Variants in COX7B2 observed in about 807,000 individuals in gnomAD.
COX7B2 encodes the protein cytochrome c oxidase subunit 7B2.
For missense variants in COX7B2, 109 were observed against 95.9 expected (o/e 1.14, Z -0.57); for synonymous variants, 37 against 32.1 (o/e 1.15, Z -0.51).
chr4:46,861,240 G>C (rs1327230070), intron 1 of COX7B2, among the ~76,000 whole-genome samples: 30 of 152,090 alleles, frequency 2.0e-4, no homozygotes, highest in Admixed American at 2.0e-3. Flanking sequence ...GTTTGCTGGT[G>C]AATGCAGTTA....
At chr4:46,757,222 A>G (rs1335997162) in intron 2 of COX7B2, among the ~76,000 whole-genome samples, 1 of 145,098 alleles carries the variant, frequency 6.9e-6, no homozygotes, top group Non-Finnish European at 1.5e-5. Context: ...AAAATCAAAT[A>G]TTATATGTTC....
intron 2 of COX7B2, among the ~76,000 whole-genome samples, chr4:46,800,544 T>C (rs1718603317): frequency 6.6e-6 from 1 of 152,178 alleles, no homozygotes; most frequent in African/African-American, 2.4e-5. Flanking sequence ...GATTACTGGC[T>C]AGCCATATGC....
intron 2 of COX7B2, among the ~76,000 whole-genome samples, chr4:46,844,014 A>G (rs936373016): frequency 6.6e-5 from 10 of 152,014 alleles, no homozygotes. Flanking sequence ...TTATATCACC[A>G]GAGAGGAGTT....
intron 2 of COX7B2, among the ~76,000 whole-genome samples, chr4:46,756,900 A>G (rs1161151620): frequency 6.6e-6 from 1 of 152,116 alleles, no homozygotes; most frequent in Non-Finnish European, 1.5e-5. Context: ...AACTAAAAAT[A>G]GAACTACCAT....
chr4:46,873,394 G>A (rs577707222), intron 1 of COX7B2, among the ~76,000 whole-genome samples: 119 of 152,128 alleles, frequency 7.8e-4, no homozygotes, highest in African/African-American at 2.4e-3. Flanking sequence ...TTGAGGAATC[G>A]CCACACTGTC....
At position 46,832,755 on chromosome 4, in the gene COX7B2, G is replaced by T. The variant is rs375970611; in HGVS notation, c.-50+12205C>A. ...AAGATATGGTTGTTCAAAAGAATCT[G>T]GGACCTCCCCACTCTCTCTCACTCC... On this transcript the variant is annotated intron_variant, in intron 2 of 2. Coordinates refer to ENST00000355591, the MANE Select transcript of COX7B2 (RefSeq NM_130902.3). 2.6e-5 allele frequency among the ~76,000 whole-genome samples: 4 copies of T among 152,162 alleles called. No homozygotes were observed. In the East Asian group the frequency reaches 7.7e-4, roughly 29 times the overall value.
chr4:46,776,395 T>A (rs1052185012), intron 2 of COX7B2, among the ~76,000 whole-genome samples: 38 of 65,664 alleles, frequency 5.8e-4, no homozygotes, highest in African/African-American at 1.7e-3. Flanking sequence ...AGTTTCAGAG[T>A]GTGTGTGTGT....
chr4:46,868,865 C>T (rs1158489510), intron 1 of COX7B2, among the ~76,000 whole-genome samples: 2 of 152,044 alleles, frequency 1.3e-5, no homozygotes. Flanking sequence ...TGGTGGAGAG[C>T]TTTGTAAAGG....
intron 1 of COX7B2, among the ~76,000 whole-genome samples, chr4:46,893,481 G>A (rs906884098): frequency 3.9e-5 from 6 of 152,080 alleles, no homozygotes; most frequent in Non-Finnish European, 5.9e-5. Flanking sequence ...CTCTAGACTC[G>A]GCACAATGGC....
intron 2 of COX7B2, among the ~76,000 whole-genome samples, chr4:46,793,670 T>C (rs917691300): frequency 9.8e-5 from 15 of 152,324 alleles, no homozygotes; most frequent in Admixed American, 8.5e-4. Flanking sequence ...CCTTAGCTCC[T>C]ATAGCCACAG....
At chr4:46,777,842 G>T (rs1262658883) in intron 2 of COX7B2, among the ~76,000 whole-genome samples, 1 of 152,108 alleles carries the variant, frequency 6.6e-6, no homozygotes, top group Non-Finnish European at 1.5e-5. Context: ...CTCAAAAATA[G>T]ATGGAGATAA....
Position 46,734,878 on chromosome 4 carries a change from T to A in COX7B2, c.*69A>T. ...TTTTTTCAATTGTGCTATATTTTAA[T>A]AAGCAGTAGAGTGCTTACATGACAA... is the stretch of plus-strand genomic sequence containing the variant. On this transcript the variant is annotated 3_prime_UTR_variant, in exon 3 of 3. Coordinates refer to ENST00000355591, the MANE Select transcript of COX7B2 (RefSeq NM_130902.3). 1 of 1,527,964 alleles carries A rather than the reference T, an allele frequency of 6.5e-7. No homozygotes were observed. Among genetic ancestry groups the A allele is most frequent in the East Asian group, 2.3e-5 (1 of 44,410 alleles). 94.7% of individuals were successfully genotyped at this position (1,527,964 alleles called of 1,614,324 possible).
intron 2 of COX7B2, among the ~76,000 whole-genome samples, chr4:46,844,476 A>G (rs890543420): frequency 2.6e-5 from 4 of 151,982 alleles, no homozygotes; most frequent in African/African-American, 4.8e-5. Flanking sequence ...AAAACGTCTA[A>G]AAGTCACGGA....
At chr4:46,848,217 A>G (rs1716420165) in intron 1 of COX7B2, among the ~76,000 whole-genome samples, 1 of 152,042 alleles carries the variant, frequency 6.6e-6, no homozygotes, top group Non-Finnish European at 1.5e-5. Context: ...GGTATTTCAA[A>G]ACTCACTAAC....
intron 2 of COX7B2, among the ~76,000 whole-genome samples, chr4:46,815,147 G>A (rs1719484630): frequency 1.3e-5 from 2 of 149,424 alleles, no homozygotes; most frequent in South Asian, 4.2e-4. Flanking sequence ...GATTGCACCA[G>A]CCTAGGCGAC....
chr4:46,884,184 G>A (rs1031228336), intron 1 of COX7B2, among the ~76,000 whole-genome samples: 2 of 146,536 alleles, frequency 1.4e-5, no homozygotes, highest in South Asian at 2.2e-4. Flanking sequence ...CAGTTGGGGG[G>A]TGGTGGTGGT....
intron 1 of COX7B2, among the ~76,000 whole-genome samples, chr4:46,888,764 T>C (rs1409186390): frequency 1.3e-5 from 2 of 152,132 alleles, no homozygotes; most frequent in Non-Finnish European, 1.5e-5. Flanking sequence ...TTAAACATTT[T>C]ATATTGTATT....
chr4:46,775,203 T>A (rs572439545), intron 2 of COX7B2, among the ~76,000 whole-genome samples: 1 of 152,126 alleles, frequency 6.6e-6, no homozygotes, highest in Non-Finnish European at 1.5e-5. Flanking sequence ...ATATTCTTTA[T>A]GAAACATAAG....
At position 46,737,454 on chromosome 4, in the gene COX7B2, A is replaced by T. The variant is rs151116338; in HGVS notation, c.-49-2213T>A. Among the ~76,000 whole-genome samples, 266 of 152,256 alleles carry T rather than the reference A, an allele frequency of 1.7e-3. 1 individual carries two copies. The highest frequency in any genetic ancestry group is 6.3e-3 in the African/African-American group (260 of 41,562). On this transcript the variant is annotated intron_variant, in intron 2 of 2. Coordinates refer to ENST00000355591, the MANE Select transcript of COX7B2 (RefSeq NM_130902.3). ...CTTCTGATAAACTGCAAGTTCTCCAAGAGCAAGGGAGGTAACTGCATATAA... is the reference window on the plus strand; with the variant it reads ...CTTCTGATAAACTGCAAGTTCTCCATGAGCAAGGGAGGTAACTGCATATAA...
Sources: allele counts gnomAD v4.1 joint callset (sites outside exome capture counted in the v4.1 genomes callset), GRCh38; gene constraint gnomAD v4.1.1; transcripts MANE v1.5; gene names NCBI Gene and HGNC (gene_info 2026-07-23, HGNC 2026-07-21).